MAP4K2: variants seen among roughly 807,000 people sequenced by gnomAD.
MAP4K2 encodes the protein mitogen-activated protein kinase kinase kinase kinase 2.
Under a neutral mutation model 125.3 loss-of-function variants are expected in MAP4K2, and 85 were observed. That is an observed-to-expected ratio of 0.68 (90% CI 0.57 to 0.81). The LOEUF (loss-of-function observed/expected upper bound fraction) is 0.81. Ranked by LOEUF, MAP4K2 falls within the 40% of genes least tolerant of loss-of-function variation. MAP4K2 has a pLI of 0.00. For synonymous variants in MAP4K2, 479 were observed against 445.1 expected (o/e 1.08, Z -0.96); for missense variants, 923 against 1,056.4 (o/e 0.87, Z 1.75).
At chr11:64,790,986 C>T (rs940044298) in intron 27 of MAP4K2, among the ~76,000 whole-genome samples, 4 of 152,038 alleles carry the variant, frequency 2.6e-5, no homozygotes, top group African/African-American at 4.8e-5. Context: ...TAATACAAAA[C>T]GTAGCCGGAC....
At chr11:64,792,793 A>G (rs1326551882) in intron 24 of MAP4K2, among the ~76,000 whole-genome samples, 2 of 152,150 alleles carry the variant, frequency 1.3e-5, no homozygotes, top group Non-Finnish European at 2.9e-5. Context: ...GAGTTAATAC[A>G]GGGGAGGTGC....
chr11:64,794,817 T>C (rs192769257), intron 24 of MAP4K2, among the ~76,000 whole-genome samples: 1 of 152,290 alleles, frequency 6.6e-6, no homozygotes, highest in Non-Finnish European at 1.5e-5. Context: ...GCCCGGTCTC[T>C]GAGGCCTCTC....
At chr11:64,800,480 G>A in intron 10 of MAP4K2, 88 bp from the exon 11 acceptor site, 1 of 1,441,142 alleles carries the variant, frequency 6.9e-7, no homozygotes, top group South Asian at 1.2e-5. Flanking sequence ...CCCTCCAGAG[G>A]CGTCTGCTGG....
intron 2 of MAP4K2, 110 bp from the exon 3 acceptor site, chr11:64,802,763 G>T (rs1350380198): frequency 6.9e-7 from 1 of 1,451,144 alleles, no homozygotes; most frequent in East Asian, 2.4e-5. Context: ...GCAGGTGCAG[G>T]TGACAGCACC....
At position 64,802,138 on chromosome 11, in the gene MAP4K2, G is replaced by A. The variant is rs764582107; in HGVS notation, c.311-17C>T. 1.2e-6 allele frequency: 2 copies of A among 1,612,296 alleles called. No individual in the cohort carries two copies. Among genetic ancestry groups the A allele is most frequent in the Non-Finnish European group, 8.5e-7 (1 of 1,179,536 alleles). ...GCCCAGTGGCTGAAAGGAAAAGGGA[G>A]AGGCTGGCTTGGGGGCCCGGGGGTC... On this transcript the variant is annotated splice_polypyrimidine_tract_variant and intron_variant, in intron 4 of 31. Coordinates refer to ENST00000294066, the MANE Select transcript of MAP4K2 (RefSeq NM_004579.5).
chr11:64,794,961 C>T (rs986685193), intron 24 of MAP4K2, among the ~76,000 whole-genome samples: 1 of 152,062 alleles, frequency 6.6e-6, no homozygotes, highest in African/African-American at 2.4e-5. Flanking sequence ...ATCGCGATCA[C>T]AGTTCACTTC....
At chr11:64,795,452 G>T (rs1940738549) in intron 24 of MAP4K2, among the ~76,000 whole-genome samples, 1 of 151,834 alleles carries the variant, frequency 6.6e-6, no homozygotes, top group African/African-American at 2.4e-5. Context: ...CCAGGCTGGA[G>T]TGCAGTGGCG....
At chr11:64,794,266 T>C (rs1047897444) in intron 24 of MAP4K2, among the ~76,000 whole-genome samples, 4 of 152,200 alleles carry the variant, frequency 2.6e-5, no homozygotes, top group Non-Finnish European at 4.4e-5. Context: ...GCCAAAAACC[T>C]TGGAGCCATC....
chr11:64,802,371 G>A, intron 4 of MAP4K2, 48 bp downstream of exon 4: 1 of 1,485,704 alleles, frequency 6.7e-7, no homozygotes, highest in Non-Finnish European at 9.0e-7. Context: ...AGTGGGGTAG[G>A]GGTGGGGGAA....
In MAP4K2 at chr11:64,797,685, G is replaced by A. The variant is rs542652162; in HGVS notation, c.1098-21C>T. ...GGCTCCTGGGCAGTGGGGAAAAGGG[G>A]TCAGAGGTCAACCTTTCCTTTTTTT... On this transcript the variant is annotated intron_variant, in intron 15 of 31. Coordinates refer to ENST00000294066, the MANE Select transcript of MAP4K2 (RefSeq NM_004579.5). The A allele has an allele frequency of 3.0e-5, 44 of 1,491,428 alleles. 1 individual carries two copies. The highest frequency in any genetic ancestry group is 2.7e-4 in the South Asian group (21 of 76,688). 92.4% of individuals were successfully genotyped at this position (1,491,428 alleles called of 1,614,324 possible). A position where few individuals can be genotyped will look rare whatever the true frequency, so the allele number is the denominator to read the frequency against.
chr11:64,798,001 C>CTT (rs761143115), intron 15 of MAP4K2, among the ~76,000 whole-genome samples: 2 of 127,640 alleles, frequency 1.6e-5, no homozygotes, highest in African/African-American at 2.9e-5. Context: ...CACACCCGGG[C>CTT]TTTTTTTTTT....
chr11:64,799,608 G>A lies in MAP4K2; in HGVS notation c.991C>T (p.Gln331Ter), dbSNP rs1338439812. 1 of 1,613,878 alleles carries A rather than the reference G, an allele frequency of 6.2e-7. No homozygotes were observed. Among genetic ancestry groups the A allele is most frequent in the Non-Finnish European group, 8.5e-7 (1 of 1,179,990 alleles). Residue 331 changes from glutamine (Q) to a stop codon, truncating the protein, a stop_gained, in exon 13 of 32, where the codon CAG (glutamine) becomes TAG (stop). Transcript: ENST00000294066. LOFTEE classifies it high-confidence loss of function. ...ACAGCCCCTGCTGCAGACTCACACT[G>A]GATCTCCGAGGGGGTCCTCTCGGCT... ...GPAERTPSEI[Q>*]FHQVKFGAPR...
intron 27 of MAP4K2, among the ~76,000 whole-genome samples, chr11:64,790,924 T>G (rs1208820246): frequency 6.6e-6 from 1 of 152,096 alleles, no homozygotes; most frequent in Admixed American, 6.5e-5. Flanking sequence ...TCACCTGAGA[T>G]CAGGTGTTGG....
At position 64,789,447 on chromosome 11, in the gene MAP4K2, C is replaced by A. The variant is rs1325223916; in HGVS notation, c.*90G>T. The A allele has an allele frequency of 1.7e-6, 2 of 1,165,460 alleles. No individual in the cohort carries two copies. Among genetic ancestry groups the A allele is most frequent in the Non-Finnish European group, 2.5e-6 (2 of 801,534 alleles). The allele number at this position is 1,165,460 out of a possible 1,614,324, so 72.2% of individuals were successfully genotyped here. On this transcript the variant is annotated 3_prime_UTR_variant, in exon 32 of 32. Coordinates refer to ENST00000294066, the MANE Select transcript of MAP4K2 (RefSeq NM_004579.5). ...CCCCAGCAGGGCCAGGGCCTGGGCT[C>A]CTCTGGTCTAGGATGGGCCCCTTTG...
chr11:64,787,570 CATAA>C lies in MAP4K2; in HGVS notation c.*1963_*1966del, dbSNP rs1326335733. On this transcript the variant is annotated 3_prime_UTR_variant, in exon 32 of 32. Transcript: ENST00000294066. ...GGCAAAGGTTACGCATTTAAAAATA[CATAA>C]ATAAAATTTAAAGTGTTAGTCTCTC... The C allele has an allele frequency of 1.3e-5, 2 of 152,192 alleles. No homozygotes were observed. Among genetic ancestry groups the C allele is most frequent in the African/African-American group, 4.8e-5 (2 of 41,452 alleles). The allele number at this position is 152,192 out of a possible 1,614,324, so 9.4% of individuals were successfully genotyped here.
intron 4 of MAP4K2, 118 bp from the exon 5 acceptor site, chr11:64,802,239 C>A: frequency 9.1e-7 from 1 of 1,097,922 alleles, no homozygotes; most frequent in Non-Finnish European, 1.3e-6. Context: ...TGGCCACGTC[C>A]CCTCCCAGTT....
chr11:64,796,569 G>A lies in MAP4K2; in HGVS notation c.1573-16C>T, dbSNP rs745719458. 4.3e-6 allele frequency: 7 copies of A among 1,613,798 alleles called. No individual in the cohort carries two copies. Among genetic ancestry groups the A allele is most frequent in the African/African-American group, 4.0e-5 (3 of 74,918 alleles). On this transcript the variant is annotated splice_polypyrimidine_tract_variant and intron_variant, in intron 22 of 31. Coordinates refer to ENST00000294066, the MANE Select transcript of MAP4K2 (RefSeq NM_004579.5). ...GTGAAATCAGCTGGAGGCCACAGAG[G>A]GACAGATGGTCAGCACCCCAGGCCC...
At chr11:64,799,987 C>A in intron 12 of MAP4K2, 122 bp downstream of exon 12, 2 of 841,418 alleles carry the variant, frequency 2.4e-6, no homozygotes, top group Middle Eastern at 3.5e-4. Context: ...AATGGGAGGG[C>A]TCAGCTGAGG....
Position 64,800,883 on chromosome 11 carries a change from G to A in MAP4K2, c.662+17C>T. 1.2e-6 allele frequency: 2 copies of A among 1,613,982 alleles called. No homozygotes were observed. The highest frequency in any genetic ancestry group is 8.5e-7 in the Non-Finnish European group (1 of 1,180,010). ...CCGCAGATCAAGGGTCAGGTGAGGG[G>A]CAAGTGTTGGGCTGACCTCATGGGG... is the stretch of plus-strand genomic sequence containing the variant. On this transcript the variant is annotated intron_variant, in intron 9 of 31. Transcript: ENST00000294066.
Sources: gnomAD v4.1 joint callset for allele counts (sites outside exome capture counted in the v4.1 genomes callset) on GRCh38, gnomAD v4.1.1 for gene constraint, MANE v1.5 for transcripts, NCBI Gene and HGNC (gene_info 2026-07-23, HGNC 2026-07-21) for gene names.